Variants in FAM227A observed in about 807,000 individuals in gnomAD.
FAM227A encodes the protein protein FAM227A.
Under a neutral mutation model 74.7 loss-of-function variants are expected in FAM227A, and 80 were observed. That is an observed-to-expected ratio of 1.07 (90% CI 0.89 to 1.29). The LOEUF is 1.29. Among genes scored for constraint, FAM227A ranks in the 50% most tolerant of loss-of-function variants. The pLI, the probability that FAM227A is intolerant of heterozygous loss-of-function variation, is 0.00. For missense variants in FAM227A, 654 were observed against 683.4 expected (o/e 0.96, Z 0.48); for synonymous variants, 237 against 241.8 (o/e 0.98, Z 0.19).
At chr22:38,626,891 A>AAAAAT (rs1555966996) in intron 8 of FAM227A, among the ~76,000 whole-genome samples, 29 of 57,664 alleles carry the variant, frequency 5.0e-4, no homozygotes, top group African/African-American at 1.7e-3. Context: ...AAAAAAAAAA[A>AAAAAT]ATATATATAT....
Position 38,627,619 on chromosome 22 carries a change from T to G in FAM227A, c.726+619A>C, listed in dbSNP as rs531753770. ...AAGTTTTTTTTTTGTTTGTTTGTTT[T>G]TTTGAGGCAGAGTCTCACTCTGTTG... On this transcript the variant is annotated intron_variant, in intron 8 of 16. Transcript: ENST00000535113. Among the ~76,000 whole-genome samples, 96 of 152,190 alleles carry G rather than the reference T, an allele frequency of 6.3e-4. No homozygotes were observed. In the Middle Eastern group the frequency reaches 0.014, roughly 22 times the overall value.
intron 1 of FAM227A, among the ~76,000 whole-genome samples, chr22:38,654,413 G>A (rs190958140): frequency 1.1e-4 from 16 of 152,070 alleles, no homozygotes; most frequent in African/African-American, 2.9e-4. Flanking sequence ...CAAGCAGCGG[G>A]AAGTGAGGCT....
intron 11 of FAM227A, chr22:38,618,402 A>G (rs1307403995): frequency 6.6e-6 from 1 of 152,116 alleles, no homozygotes; most frequent in African/African-American, 2.4e-5. Flanking sequence ...TTACCTTCCC[A>G]CAATTTACCA....
At chr22:38,595,066 G>C (rs2091014986) in intron 15 of FAM227A, among the ~76,000 whole-genome samples, 2 of 152,208 alleles carry the variant, frequency 1.3e-5, no homozygotes, top group South Asian at 4.1e-4. Context: ...CCACTGCAAT[G>C]CAGCCTGGCG....
chr22:38,604,234 C>G (rs1385412037), intron 13 of FAM227A, among the ~76,000 whole-genome samples: 1 of 151,998 alleles, frequency 6.6e-6, no homozygotes, highest in African/African-American at 2.4e-5. Flanking sequence ...GGCTGAGACA[C>G]GAGAATCACT....
chr22:38,649,980 G>C, intron 2 of FAM227A, 47 bp downstream of exon 2: 2 of 1,539,020 alleles, frequency 1.3e-6, no homozygotes, highest in Non-Finnish European at 1.8e-6. Flanking sequence ...CATGACTCAA[G>C]TTAGGTGTAT....
intron 11 of FAM227A, among the ~76,000 whole-genome samples, chr22:38,611,592 TA>T (rs35355510): frequency 1.2e-4 from 19 of 152,108 alleles, no homozygotes; most frequent in Non-Finnish European, 2.1e-4. Flanking sequence ...ATTTTGTGGA[TA>T]AAAACATTGA....
At chr22:38,630,791 G>C (rs7290217) in intron 6 of FAM227A, among the ~76,000 whole-genome samples, 7,031 of 152,212 alleles carry the variant, frequency 0.046, 273 homozygotes, top group East Asian at 0.11. Context: ...TAGGATCCCC[G>C]GGACAAGGCA....
chr22:38,607,538 T>C (rs1214978815), intron 11 of FAM227A, 62 bp from the exon 12 acceptor site: 2 of 1,155,666 alleles, frequency 1.7e-6, no homozygotes, highest in African/African-American at 1.5e-5. Flanking sequence ...AAAATAAAAT[T>C]GGCAGTGAGA....
chr22:38,586,603 T>C (rs1449712237), intron 16 of FAM227A, among the ~76,000 whole-genome samples: 1 of 152,242 alleles, frequency 6.6e-6, no homozygotes, highest in East Asian at 1.9e-4. Flanking sequence ...TGCTGGGCTA[T>C]GGGATGGAGA....
At chr22:38,639,824 G>T in intron 3 of FAM227A, 100 bp from the exon 4 acceptor site, 1 of 823,672 alleles carries the variant, frequency 1.2e-6, no homozygotes, top group Non-Finnish European at 2.0e-6. Flanking sequence ...GTGCACAAAA[G>T]ACCTGGAGCA....
intron 11 of FAM227A, among the ~76,000 whole-genome samples, chr22:38,613,495 A>G (rs1312524844): frequency 9.0e-6 from 1 of 111,456 alleles, no homozygotes; most frequent in Non-Finnish European, 2.0e-5. Flanking sequence ...GACCCTGACA[A>G]TGCAGTTTCT....
At chr22:38,606,567 G>C (rs950774125) in intron 12 of FAM227A, among the ~76,000 whole-genome samples, 24 of 152,060 alleles carry the variant, frequency 1.6e-4, no homozygotes, top group Non-Finnish European at 1.5e-5. Context: ...CTCCTGGCCA[G>C]CACTGGTGCT....
rs1373375909 is a variant in FAM227A at position 38,636,580 on chromosome 22, A to T, written c.390T>A (p.Asn130Lys). The T allele has an allele frequency of 6.4e-7, 1 of 1,551,048 alleles. No homozygotes were observed. The highest frequency in any genetic ancestry group is 8.7e-7 in the Non-Finnish European group (1 of 1,146,842). The change falls in exon 6 of 17, where the codon AAT becomes AAA. Residue 130 changes from asparagine to lysine, a missense_variant. Physicochemically the swap from Asn to Lys is moderately conservative, Grantham distance 94. Transcript: ENST00000535113. The stretch of plus-strand genomic sequence containing the variant: ...AATACTGGTACAGCTCTGCCAGCAG[A>T]TTTTTATCTGCTGTTTTCTGAAGCA... ...SVIKRKTADK[N>K]LLAELYQYSN...
Position 38,650,053 on chromosome 22 carries a change from C to T in FAM227A, c.116G>A (p.Arg39Lys). ...VARNTMVKTV[R>K]KELENNPPSC... ...GGGTGGATTGTTCTCTAACTCCTTC[C>T]TCACAGTCTTCACCATTGTATTCCG... The change falls in exon 2 of 17, where the codon AGG becomes AAG. Residue 39 changes from arginine (R) to lysine (K), a missense_variant. Physicochemically the swap from Arg to Lys is conservative, Grantham distance 26. Coordinates refer to ENST00000535113, the MANE Select transcript of FAM227A (RefSeq NM_001013647.2). 6.4e-7 allele frequency: 1 copy of T among 1,552,216 alleles called. No homozygotes were observed. The highest frequency in any genetic ancestry group is 8.7e-7 in the Non-Finnish European group (1 of 1,147,124).
chr22:38,655,853 T>C (rs2092385130), intron 1 of FAM227A, among the ~76,000 whole-genome samples: 1 of 152,148 alleles, frequency 6.6e-6, no homozygotes, highest in East Asian at 1.9e-4. Flanking sequence ...CCTCACTGGA[T>C]GCCCTGATAC....
intron 14 of FAM227A, 89 bp from the exon 15 acceptor site, chr22:38,597,445 G>C: frequency 7.9e-7 from 1 of 1,272,578 alleles, no homozygotes; most frequent in South Asian, 1.3e-5. Context: ...ATGGGGAAGA[G>C]GGGCATGGAG....
intron 13 of FAM227A, among the ~76,000 whole-genome samples, chr22:38,600,316 G>GTA (rs60675971): frequency 0.17 from 25,035 of 147,438 alleles, 2,188 homozygotes; most frequent in African/African-American, 0.23. Flanking sequence ...GTGTATGTAT[G>GTA]TATATATATA....
rs147411497 is a variant in FAM227A at position 38,627,973 on chromosome 22, G to GT, written c.726+264dup. ...AAGAGTTTGGTAAATATTTTTCCAG[G>GT]TTTTTTTTTTCTATTCATAGGTATA... On this transcript the variant is annotated intron_variant, in intron 8 of 16. Coordinates refer to ENST00000535113, the MANE Select transcript of FAM227A (RefSeq NM_001013647.2). 4.8e-3 allele frequency among the ~76,000 whole-genome samples: 711 copies of GT among 149,478 alleles called. 13 individuals carry two copies. Among genetic ancestry groups the GT allele is most frequent in the Admixed American group, 0.029 (425 of 14,904 alleles).
Sources: allele counts gnomAD v4.1 joint callset (sites outside exome capture counted in the v4.1 genomes callset), GRCh38; gene constraint gnomAD v4.1.1; transcripts MANE v1.5; gene names NCBI Gene and HGNC (gene_info 2026-07-23, HGNC 2026-07-21).